The following RAD17 variants were observed in gnomAD, a reference collection of about 807,000 sequenced individuals.
The protein encoded by RAD17 is RAD17 checkpoint clamp loader component.
Under a neutral mutation model 81.5 loss-of-function variants are expected in RAD17, and 31 were observed. The ratio of observed to expected loss-of-function variants is 0.38; its 90% CI spans 0.29 to 0.51. The LOEUF is 0.51. Ranked by LOEUF, RAD17 falls within the 20% of genes least tolerant of loss-of-function variation. The pLI, the probability that RAD17 is intolerant of heterozygous loss-of-function variation, is 0.88. For missense variants in RAD17, 681 were observed against 781.2 expected (o/e 0.87, Z 1.53); for synonymous variants, 261 against 266.2 (o/e 0.98, Z 0.19).
At chr5:69,380,553 G>A (rs567618431) in intron 6 of RAD17, among the ~76,000 whole-genome samples, 33 of 152,262 alleles carry the variant, frequency 2.2e-4, no homozygotes, top group African/African-American at 7.7e-4. Flanking sequence ...TTTCAAAAGT[G>A]GAGCAGGCTC....
intron 6 of RAD17, among the ~76,000 whole-genome samples, chr5:69,375,509 G>C (rs1763278049): frequency 6.6e-6 from 1 of 151,614 alleles, no homozygotes; most frequent in South Asian, 2.1e-4. Context: ...AAGCATAAAA[G>C]AAAATAGAAT....
In RAD17 at chr5:69,374,112, C is replaced by G. The variant is rs17236219; in HGVS notation, c.267+25C>G. ...GGTACTGAAAAGCATGCAGACATATCTACATAATTTAATTTCAGGGTGCAT... is the reference window on the plus strand; with the variant it reads ...GGTACTGAAAAGCATGCAGACATATGTACATAATTTAATTTCAGGGTGCAT... On this transcript the variant is annotated intron_variant, in intron 5 of 18. Coordinates refer to ENST00000354868, the MANE Select transcript of RAD17 (RefSeq NM_133338.3). 1,911 of 1,574,230 alleles carry G rather than the reference C, an allele frequency of 1.2e-3. 21 individuals are homozygous for G. The African/African-American group carries it at 0.022, about 18-fold the overall frequency.
chr5:69,404,090 A>C (rs1765439358), intron 17 of RAD17, among the ~76,000 whole-genome samples: 1 of 152,208 alleles, frequency 6.6e-6, no homozygotes. Flanking sequence ...ACACATTACA[A>C]AAGAGAAACT....
intron 15 of RAD17, among the ~76,000 whole-genome samples, chr5:69,395,060 A>T (rs1764799210): frequency 6.6e-6 from 1 of 152,234 alleles, no homozygotes; most frequent in South Asian, 2.1e-4. Flanking sequence ...TCAAAAAATT[A>T]AAAAATTGAA....
chr5:69,379,740 G>T (rs2150792755), intron 6 of RAD17, among the ~76,000 whole-genome samples: 2 of 152,186 alleles, frequency 1.3e-5, no homozygotes, highest in East Asian at 3.9e-4. Flanking sequence ...ATCATTAATA[G>T]CACTGTCTTC....
Position 69,391,993 on chromosome 5 carries a change from G to T in RAD17, c.1169G>T (p.Gly390Val). ...DVSLFLFRAL[G>V]KILYCKRASL... ...TCTCTGTTTCTCTTCAGAGCTTTGG[G>T]GAAAATTCTATATTGTAAAAGTAAG... is the stretch of plus-strand genomic sequence containing the variant. The change falls in exon 13 of 19, where the codon GGG (glycine) becomes GTG (valine). Residue 390 changes from glycine to valine, a missense_variant. Physicochemically the swap from Gly to Val is moderately radical, Grantham distance 109. Coordinates refer to ENST00000354868, the MANE Select transcript of RAD17 (RefSeq NM_133338.3). 1 of 1,542,510 alleles carries T rather than the reference G, an allele frequency of 6.5e-7. No homozygotes were observed. The highest frequency in any genetic ancestry group is 1.3e-5 in the South Asian group (1 of 79,678).
At chr5:69,393,908 G>GTTTTTTTTT (rs34500104) in intron 15 of RAD17, among the ~76,000 whole-genome samples, 6 of 73,126 alleles carry the variant, frequency 8.2e-5, no homozygotes, top group Non-Finnish European at 1.2e-4. Flanking sequence ...TGTTATGGTG[G>GTTTTTTTTT]TTTTTTTTTT....
At chr5:69,396,124 G>C (rs1462811018) in intron 15 of RAD17, among the ~76,000 whole-genome samples, 1 of 152,054 alleles carries the variant, frequency 6.6e-6, no homozygotes, top group African/African-American at 2.4e-5. Flanking sequence ...TCCCTATTCA[G>C]ATTTCCTCAT....
chr5:69,369,962 A>C, intron 1 of RAD17, 29 bp downstream of exon 1: 1 of 546,256 alleles, frequency 1.8e-6, no homozygotes, highest in Non-Finnish European at 3.2e-6. Context: ...CGGCTATATT[A>C]TGTATATGTC....
intron 4 of RAD17, among the ~76,000 whole-genome samples, chr5:69,373,190 G>C (rs1763111902): frequency 6.6e-6 from 1 of 151,638 alleles, no homozygotes; most frequent in Admixed American, 6.6e-5. Flanking sequence ...ATTTTGTTTT[G>C]CTTTTTTTAA....
intron 13 of RAD17, 105 bp from the exon 14 acceptor site, chr5:69,393,050 C>A: frequency 3.2e-6 from 2 of 626,588 alleles, no homozygotes; most frequent in African/African-American, 1.9e-5. Context: ...CAGTTTGTTA[C>A]TATGTTGGTA....
intron 15 of RAD17, among the ~76,000 whole-genome samples, 157 bp from the exon 16 acceptor site, chr5:69,396,240 G>T (rs1388508137): frequency 6.6e-5 from 10 of 152,164 alleles, no homozygotes; most frequent in Non-Finnish European, 1.5e-4. Flanking sequence ...ATTTGCTTTA[G>T]ATAAGTTTAT....
chr5:69,410,320 T>C (rs1385298294), intron 17 of RAD17, among the ~76,000 whole-genome samples, 173 bp from the exon 18 acceptor site: 1 of 152,214 alleles, frequency 6.6e-6, no homozygotes, highest in Non-Finnish European at 1.5e-5. Context: ...ACACTTCTTG[T>C]TTTCTGGTTT....
intron 11 of RAD17, among the ~76,000 whole-genome samples, chr5:69,387,236 T>C (rs1764270412): frequency 6.6e-6 from 1 of 152,156 alleles, no homozygotes; most frequent in Non-Finnish European, 1.5e-5. Context: ...TTTTCACTTT[T>C]AGTACGTCAT....
chr5:69,404,415 A>C (rs1765459107), intron 17 of RAD17, among the ~76,000 whole-genome samples: 1 of 152,196 alleles, frequency 6.6e-6, no homozygotes, highest in Non-Finnish European at 1.5e-5. Context: ...AAAACAACCC[A>C]ATTAAAAAAC....
intron 8 of RAD17, 27 bp from the exon 9 acceptor site, chr5:69,386,016 C>A: frequency 1.3e-6 from 2 of 1,499,550 alleles, no homozygotes; most frequent in South Asian, 2.7e-5. Flanking sequence ...TAAAACTATA[C>A]TATTATTTAT....
chr5:69,387,976 G>C (rs1360055282), intron 11 of RAD17, among the ~76,000 whole-genome samples: 1 of 152,162 alleles, frequency 6.6e-6, no homozygotes, highest in Non-Finnish European at 1.5e-5. Flanking sequence ...CAGTGATCTA[G>C]ATGAAATGAC....
At chr5:69,404,021 C>T (rs953669122) in intron 17 of RAD17, among the ~76,000 whole-genome samples, 6 of 142,668 alleles carry the variant, frequency 4.2e-5, no homozygotes, top group Non-Finnish European at 9.5e-5. Flanking sequence ...ATTCTGTTTT[C>T]TGTTTTGAAG....
intron 1 of RAD17, 75 bp from the exon 2 acceptor site, chr5:69,370,960 C>A: frequency 8.9e-6 from 2 of 223,702 alleles, no homozygotes; most frequent in East Asian, 1.3e-4. Context: ...ACAGTGTTAC[C>A]AAGAAATTTT....
Sources: allele counts gnomAD v4.1 joint callset (sites outside exome capture counted in the v4.1 genomes callset), GRCh38; gene constraint gnomAD v4.1.1; transcripts MANE v1.5; gene names NCBI Gene and HGNC (gene_info 2026-07-23, HGNC 2026-07-21).